PCDHA1: variants seen among roughly 807,000 people sequenced by gnomAD.
PCDHA1 encodes the protein protocadherin alpha 1.
A neutral mutation model predicts 61.3 loss-of-function variants in PCDHA1; 42 were observed. The observed-to-expected ratio is 0.69, with a 90% CI of 0.54 to 0.89. The LOEUF is 0.89. Ranked by LOEUF, PCDHA1 falls within the 40% of genes least tolerant of loss-of-function variation. PCDHA1 has a pLI of 0.00. For synonymous variants in PCDHA1, 610 were observed against 553.8 expected (o/e 1.10, Z -1.43); for missense variants, 1,256 against 1,235.3 (o/e 1.02, Z -0.25).
intron 1 of PCDHA1, chr5:140,967,204 G>T: frequency 3.7e-6 from 6 of 1,613,634 alleles, no homozygotes; most frequent in Non-Finnish European, 5.1e-6. Context: ...ACAACTCACC[G>T]CGTTTCCCGC....
chr5:140,895,070 C>G (rs2064827781), intron 1 of PCDHA1, among the ~76,000 whole-genome samples: 1 of 152,106 alleles, frequency 6.6e-6, no homozygotes, highest in African/African-American at 2.4e-5. Context: ...GACTCAATTC[C>G]TATCAGTTCC....
chr5:141,000,743 TA>T (rs527867626), intron 3 of PCDHA1, among the ~76,000 whole-genome samples: 276 of 145,094 alleles, frequency 1.9e-3, no homozygotes, highest in Admixed American at 4.4e-3. Context: ...CTCTGTATAT[TA>T]AAAAAAAAAA....
At chr5:140,967,321 C>T (rs985147302) in intron 1 of PCDHA1, 12 of 1,609,430 alleles carry the variant, frequency 7.5e-6, no homozygotes, top group Non-Finnish European at 1.0e-5. Context: ...TACAGACCTA[C>T]GAGCTCAGCC....
At position 140,787,546 on chromosome 5, in the gene PCDHA1, C is replaced by T. The variant is rs782669487; in HGVS notation, c.1256C>T (p.Ser419Leu). 2.0e-5 allele frequency: 33 copies of T among 1,614,108 alleles called. No individual in the cohort carries two copies. The African/African-American group carries it at 3.3e-4, about 16-fold the overall frequency. ...LDSALDRESLSVYELVVTARD... is the reference protein window; with the variant it reads ...LDSALDRESLLVYELVVTARD... ...AGCGCCCTGGATCGCGAGAGCCTGT[C>T]GGTCTATGAGCTGGTGGTGACCGCG... is the stretch of plus-strand genomic sequence containing the variant. Residue 419 changes from serine (S) to leucine (L), a missense_variant, in exon 1 of 4, where the codon TCG (serine) becomes TTG (leucine). Coordinates refer to ENST00000504120, the MANE Select transcript of PCDHA1 (RefSeq NM_018900.4).
intron 1 of PCDHA1, among the ~76,000 whole-genome samples, chr5:140,790,766 T>G (rs1761599347): frequency 6.6e-6 from 1 of 152,262 alleles, no homozygotes; most frequent in Non-Finnish European, 1.5e-5. Flanking sequence ...CATTCAATAT[T>G]TCTTTATTTA....
intron 1 of PCDHA1, chr5:140,842,515 G>A (rs2150337754): frequency 5.6e-6 from 9 of 1,613,534 alleles, no homozygotes; most frequent in Non-Finnish European, 1.7e-6. Flanking sequence ...TCAAGCTGGT[G>A]TCCACCTTCA....
chr5:140,996,410 G>A (rs1195533511), intron 3 of PCDHA1, among the ~76,000 whole-genome samples: 2 of 152,222 alleles, frequency 1.3e-5, no homozygotes, highest in African/African-American at 2.4e-5. Flanking sequence ...GGTGGGGCAG[G>A]CAGTGTGAAA....
At chr5:140,929,554 C>T (rs899446101) in intron 1 of PCDHA1, 4 of 488,414 alleles carry the variant, frequency 8.2e-6, no homozygotes, top group Non-Finnish European at 1.4e-5. Context: ...AAAATTAAAA[C>T]CTATTTAAGA....
At chr5:140,985,167 G>C (rs905296036) in intron 3 of PCDHA1, among the ~76,000 whole-genome samples, 2 of 152,176 alleles carry the variant, frequency 1.3e-5, no homozygotes, top group Admixed American at 1.3e-4. Context: ...TCAATCTCCT[G>C]ACCTCGTAAT....
intron 1 of PCDHA1, chr5:140,883,358 C>A (rs1554177826): frequency 6.2e-7 from 1 of 1,614,192 alleles, no homozygotes; most frequent in South Asian, 1.1e-5. Context: ...AGAAGACACT[C>A]AGCCTAGCGC....
intron 1 of PCDHA1, chr5:140,861,441 C>A: frequency 2.0e-6 from 1 of 493,506 alleles, no homozygotes; most frequent in Non-Finnish European, 4.2e-6. Context: ...TTCCAAAAGC[C>A]GCAGAAACCT....
Position 140,787,914 on chromosome 5 carries a change from G to C in PCDHA1, c.1624G>C (p.Val542Leu). The C allele has an allele frequency of 6.2e-7, 1 of 1,613,680 alleles. No homozygotes were observed. Among genetic ancestry groups the C allele is most frequent in the Non-Finnish European group, 8.5e-7 (1 of 1,179,902 alleles). The change falls in exon 1 of 4, where the codon GTG (valine) becomes CTG (leucine). Residue 542 changes from valine to leucine, a missense_variant. Val to Leu is a conservative substitution (Grantham distance 32). Coordinates refer to ENST00000504120, the MANE Select transcript of PCDHA1 (RefSeq NM_018900.4). ...QFQVSARDAG[V>L]PPLGSNVTLQ... ...CCAGGTGAGCGCGCGGGATGCGGGC[G>C]TGCCGCCTCTGGGCAGCAACGTGAC... is the stretch of plus-strand genomic sequence containing the variant.
At chr5:140,825,556 C>T (rs1158185749) in intron 1 of PCDHA1, 2 of 151,628 alleles carry the variant, frequency 1.3e-5, no homozygotes, top group African/African-American at 2.4e-5. Flanking sequence ...TCCCAAGTAG[C>T]TGGGATTACA....
chr5:140,803,529 C>A (rs781877015), intron 1 of PCDHA1: 1 of 1,614,098 alleles, frequency 6.2e-7, no homozygotes, highest in South Asian at 1.1e-5. Flanking sequence ...TAGCCTTCCT[C>A]CTTGTCCAAT....
intron 1 of PCDHA1, chr5:140,856,965 C>T: frequency 1.9e-6 from 3 of 1,590,456 alleles, no homozygotes; most frequent in Non-Finnish European, 2.6e-6. Context: ...GTAAATGATG[C>T]TATTGACTTT....
intron 1 of PCDHA1, among the ~76,000 whole-genome samples, chr5:140,977,204 A>G (rs1051271481): frequency 9.9e-5 from 15 of 152,170 alleles, no homozygotes; most frequent in Non-Finnish European, 1.6e-4. Context: ...AGTTGCAGCA[A>G]TTTTCATCAT....
At chr5:140,807,718 C>T in intron 1 of PCDHA1, 2 of 1,614,230 alleles carry the variant, frequency 1.2e-6, no homozygotes, top group Non-Finnish European at 1.7e-6. Context: ...CAAATGAATA[C>T]TTTTCTCTGG....
At chr5:140,966,248 G>C (rs2095985597) in intron 1 of PCDHA1, 2 of 322,664 alleles carry the variant, frequency 6.2e-6, no homozygotes, top group Non-Finnish European at 5.6e-6. Context: ...AAGCAGGGGA[G>C]AGACGGTGGA....
rs781965106 is a variant in PCDHA1 at position 140,882,419 on chromosome 5, G to A, written c.2394+93735G>A. 8.7e-6 allele frequency: 14 copies of A among 1,613,992 alleles called. No homozygotes were observed. The African/African-American group carries it at 1.5e-4, about 17-fold the overall frequency. ...CACCTTCGTGGGCCGCATCGCTCAG[G>A]ACCTGGGGCTGGAGCTGGCGGAGCT... On this transcript the variant is annotated intron_variant, in intron 1 of 3. Transcript: ENST00000504120.
Sources: allele counts gnomAD v4.1 joint callset (sites outside exome capture counted in the v4.1 genomes callset), GRCh38; gene constraint gnomAD v4.1.1; transcripts MANE v1.5; gene names NCBI Gene and HGNC (gene_info 2026-07-23, HGNC 2026-07-21).